XKR6: variants seen among roughly 807,000 people sequenced by gnomAD.
The protein encoded by XKR6 is XK related 6, also known as XK-related protein 6.
Under a neutral mutation model 56.7 loss-of-function variants are expected in XKR6, and 22 were observed. That is an observed-to-expected ratio of 0.39 (90% confidence interval 0.28 to 0.55). The LOEUF (loss-of-function observed/expected upper bound fraction) is 0.55, where lower values mean the gene tolerates loss of function less well. Among genes scored for constraint, XKR6 ranks in the 20% least tolerant of loss-of-function variants. The pLI is 0.66. For synonymous variants in XKR6, 524 were observed against 387.8 expected (o/e 1.35, Z -4.13); for missense variants, 852 against 889.0 (o/e 0.96, Z 0.53).
intron 2 of XKR6, among the ~76,000 whole-genome samples, chr8:10,910,352 C>A (rs12550303): frequency 0.013 from 1,987 of 152,178 alleles, 45 homozygotes; most frequent in African/African-American, 0.043. Flanking sequence ...AAGAATTCCC[C>A]CTGAGAAGTG....
At chr8:11,116,769 T>C (rs1038114790) in intron 1 of XKR6, among the ~76,000 whole-genome samples, 2 of 152,182 alleles carry the variant, frequency 1.3e-5, no homozygotes, top group Admixed American at 1.3e-4. Context: ...ACCTCATCCA[T>C]GCCACAGTCA....
At chr8:11,174,846 C>A (rs542931248) in intron 1 of XKR6, among the ~76,000 whole-genome samples, 56 of 152,310 alleles carry the variant, frequency 3.7e-4, no homozygotes, top group South Asian at 1.0e-3. Flanking sequence ...CAACGGACCC[C>A]TTCACCTTTT....
At chr8:11,011,070 G>T (rs945690672) in intron 1 of XKR6, among the ~76,000 whole-genome samples, 4 of 152,218 alleles carry the variant, frequency 2.6e-5, no homozygotes, top group Admixed American at 6.5e-5. Context: ...TGAGAAAGCT[G>T]AGGCTTGGGC....
chr8:11,050,888 G>A (rs1428611713), intron 1 of XKR6, among the ~76,000 whole-genome samples: 3 of 152,020 alleles, frequency 2.0e-5, no homozygotes, highest in African/African-American at 7.3e-5. Flanking sequence ...CTTCTCTCTG[G>A]TGGTCACCCT....
rs559501094 is a variant in XKR6, at chr8:11,116,334, G to A, written c.764+84242C>T. Among the ~76,000 whole-genome samples the A allele has an allele frequency of 3.3e-5, 5 of 152,288 alleles. No homozygotes were observed. The South Asian group carries it at 1.0e-3, about 32-fold the overall frequency. ...CAAATTTGTCCTGTGTCAACACAGAGAACCTGTCGGCTACCCACAGCTCAA... is the reference window on the plus strand; with the variant it reads ...CAAATTTGTCCTGTGTCAACACAGAAAACCTGTCGGCTACCCACAGCTCAA... On this transcript the variant is annotated intron_variant, in intron 1 of 2. Coordinates refer to ENST00000416569, the MANE Select transcript of XKR6 (RefSeq NM_173683.4).
At chr8:11,176,388 T>C (rs1029129058) in intron 1 of XKR6, among the ~76,000 whole-genome samples, 8 of 152,176 alleles carry the variant, frequency 5.3e-5, no homozygotes, top group African/African-American at 1.9e-4. Flanking sequence ...ATCTGTTACG[T>C]GTACTATGTC....
intron 1 of XKR6, among the ~76,000 whole-genome samples, chr8:11,122,255 G>C (rs1799493949): frequency 6.6e-6 from 1 of 152,190 alleles, no homozygotes; most frequent in Admixed American, 6.5e-5. Context: ...CAGGCTGCCT[G>C]GTAAAACGTC....
intron 1 of XKR6, among the ~76,000 whole-genome samples, chr8:11,076,011 C>T (rs1340890890): frequency 1.3e-5 from 2 of 152,218 alleles, no homozygotes; most frequent in African/African-American, 4.8e-5. Context: ...CAACATGGTC[C>T]ATCCATCCAC....
chr8:11,052,252 C>A (rs1228389597), intron 1 of XKR6, among the ~76,000 whole-genome samples: 1 of 152,188 alleles, frequency 6.6e-6, no homozygotes, highest in African/African-American at 2.4e-5. Flanking sequence ...GGTATCTGCT[C>A]AAGGATAGCA....
intron 1 of XKR6, among the ~76,000 whole-genome samples, chr8:11,008,267 A>C (rs1353067642): frequency 1.3e-5 from 2 of 152,190 alleles, no homozygotes; most frequent in African/African-American, 4.8e-5. Context: ...CTCCAACATG[A>C]TGCAAAAAGG....
chr8:11,037,764 AG>A (rs1242483822), intron 1 of XKR6, among the ~76,000 whole-genome samples: 45 of 152,074 alleles, frequency 3.0e-4, no homozygotes, highest in African/African-American at 1.1e-3. Context: ...AGGCTAAGGC[AG>A]GAGATTCGTT....
chr8:11,127,606 C>G (rs973615484), intron 1 of XKR6, among the ~76,000 whole-genome samples: 1 of 152,122 alleles, frequency 6.6e-6, no homozygotes, highest in African/African-American at 2.4e-5. Context: ...TGGTGTAACA[C>G]CTTCAAACCT....
At chr8:11,020,443 T>C (rs1798725329) in intron 1 of XKR6, among the ~76,000 whole-genome samples, 2 of 152,196 alleles carry the variant, frequency 1.3e-5, no homozygotes, top group Admixed American at 1.3e-4. Flanking sequence ...CTAAGTTCCT[T>C]GTGACCTCAC....
chr8:10,981,351 GC>G (rs1797731592), intron 1 of XKR6, among the ~76,000 whole-genome samples: 1 of 152,128 alleles, frequency 6.6e-6, no homozygotes, highest in Non-Finnish European at 1.5e-5. Context: ...TCCAGGTGAG[GC>G]CCATGGAGGC....
Position 11,201,250 on chromosome 8 carries a change from C to T in XKR6, c.90G>A (p.Glu30=). 6.4e-7 allele frequency: 1 copy of T among 1,568,424 alleles called. No individual in the cohort carries two copies. The highest frequency in any genetic ancestry group is 8.6e-7 in the Non-Finnish European group (1 of 1,167,238). The part of the protein sequence containing the change: ...LDEAVGSGGE[E]DGEPGGGGCG... ...AGCCGCCTCCCCCGGGCTCCCCGTC[C>T]TCCTCGCCGCCGCTGCCCACCGCCT... is the stretch of plus-strand genomic sequence containing the variant. The change falls in exon 1 of 3, where the codon GAG becomes GAA. Residue 30 remains glutamate, a synonymous_variant. Transcript: ENST00000416569.
intron 1 of XKR6, among the ~76,000 whole-genome samples, chr8:11,150,386 G>C (rs1314339144): frequency 6.6e-6 from 1 of 152,196 alleles, no homozygotes; most frequent in Non-Finnish European, 1.5e-5. Flanking sequence ...AAAACCCACT[G>C]TTGTTTTATG....
intron 1 of XKR6, among the ~76,000 whole-genome samples, chr8:11,118,297 T>C (rs1483483378): frequency 1.3e-5 from 2 of 152,248 alleles, no homozygotes; most frequent in Non-Finnish European, 2.9e-5. Context: ...TGCCAGGCTT[T>C]GGTATCTGGA....
At chr8:11,036,110 A>C (rs908766876) in intron 1 of XKR6, among the ~76,000 whole-genome samples, 6 of 151,560 alleles carry the variant, frequency 4.0e-5, no homozygotes, top group Non-Finnish European at 8.8e-5. Flanking sequence ...TACCAGGCTA[A>C]TTGTTTTTCT....
At chr8:10,985,624 A>G (rs1374733877) in intron 1 of XKR6, among the ~76,000 whole-genome samples, 1 of 152,000 alleles carries the variant, frequency 6.6e-6, no homozygotes, top group African/African-American at 2.4e-5. Context: ...CAAAAGCAAA[A>G]AAACAAAACA....
Sources: allele counts gnomAD v4.1 joint callset (sites outside exome capture counted in the v4.1 genomes callset), GRCh38; gene constraint gnomAD v4.1.1; transcripts MANE v1.5; gene names NCBI Gene and HGNC (gene_info 2026-07-23, HGNC 2026-07-21).